Variants in PTPRT observed in about 807,000 individuals in gnomAD.
PTPRT encodes protein tyrosine phosphatase receptor type T.
Under a neutral mutation model 176.8 loss-of-function variants are expected in PTPRT, and 56 were observed. That is an observed-to-expected ratio of 0.32 (90% CI 0.26 to 0.40). The LOEUF is 0.40. PTPRT is among the 10% of genes least tolerant of loss of function. PTPRT has a pLI of 1.00. For synonymous variants in PTPRT, 783 were observed against 739.0 expected, an observed-to-expected ratio of 1.06 and a Z score of -0.96; for missense variants, 1,540 against 1,908.2, an observed-to-expected ratio of 0.81 and a Z score of 3.60.
the PTPRT span, chr20:42,063,444 T>C: frequency 6.6e-6 from 1 of 152,184 alleles, no homozygotes; most frequent in African/African-American, 2.4e-5. Flanking sequence ...CCAAGGCCAC[T>C]CTCAGAGACA....
chr20:43,093,765 C>T (rs559787872), intron 1 of PTPRT, among the ~76,000 whole-genome samples: 7 of 152,312 alleles, frequency 4.6e-5, no homozygotes, highest in Admixed American at 3.9e-4. Flanking sequence ...TGGCCCCTGT[C>T]CCACTCTTCC....
chr20:42,569,158 C>CAGCAT (rs1339143208), intron 7 of PTPRT, among the ~76,000 whole-genome samples: 55 of 133,800 alleles, frequency 4.1e-4, no homozygotes, highest in African/African-American at 1.5e-3. Context: ...GTATTTTACA[C>CAGCAT]AGCATAGCTC....
intron 6 of PTPRT, among the ~76,000 whole-genome samples, chr20:42,709,695 T>G (rs1370018698): frequency 6.6e-6 from 1 of 152,058 alleles, no homozygotes; most frequent in Non-Finnish European, 1.5e-5. Flanking sequence ...GTTGAACTGG[T>G]TTTTGAACTG....
At chr20:42,658,084 GA>G (rs2075159009) in intron 7 of PTPRT, among the ~76,000 whole-genome samples, 1 of 151,998 alleles carries the variant, frequency 6.6e-6, no homozygotes, top group South Asian at 2.1e-4. Context: ...CTTCTTATTG[GA>G]AGTAATGTTC....
intron 1 of PTPRT, among the ~76,000 whole-genome samples, chr20:43,001,832 G>A (rs1370278510): frequency 6.6e-6 from 1 of 151,770 alleles, no homozygotes; most frequent in African/African-American, 2.4e-5. Context: ...CCATGGTCTG[G>A]ATTACACAGT....
intron 16 of PTPRT, among the ~76,000 whole-genome samples, chr20:42,186,350 C>T (rs903838447): frequency 1.2e-4 from 18 of 151,924 alleles, no homozygotes; most frequent in Admixed American, 3.3e-4. Flanking sequence ...TGGATTTGGC[C>T]TATGGGCCTC....
downstream of PTPRT, among the ~76,000 whole-genome samples, chr20:42,069,426 G>A (rs1982226522): frequency 6.6e-6 from 1 of 152,112 alleles, no homozygotes; most frequent in Admixed American, 6.5e-5. Context: ...CCCTTTTGTG[G>A]GAGATGGGCA....
chr20:42,858,958 T>C (rs550936948), intron 2 of PTPRT, among the ~76,000 whole-genome samples: 102 of 152,284 alleles, frequency 6.7e-4, no homozygotes, highest in South Asian at 2.3e-3. Flanking sequence ...TACTAAATAC[T>C]TACTGAGCCC....
intron 7 of PTPRT, among the ~76,000 whole-genome samples, chr20:42,547,705 AG>A (rs1203305220): frequency 2.0e-5 from 3 of 152,050 alleles, no homozygotes; most frequent in African/African-American, 7.2e-5. Context: ...GAAAACACAA[AG>A]GTCCCTATAT....
chr20:42,909,852 G>A (rs1479809366), intron 1 of PTPRT, among the ~76,000 whole-genome samples: 1 of 152,150 alleles, frequency 6.6e-6, no homozygotes, highest in Non-Finnish European at 1.5e-5. Context: ...CAACAACCGG[G>A]CCAGAAAACA....
chr20:42,526,160 T>C (rs1220116480), intron 7 of PTPRT, among the ~76,000 whole-genome samples: 1 of 152,192 alleles, frequency 6.6e-6, no homozygotes, highest in East Asian at 1.9e-4. Context: ...CAATGTGATA[T>C]TTCCTTCTTT....
At chr20:42,119,736 T>C (rs1010809817) in intron 20 of PTPRT, among the ~76,000 whole-genome samples, 199 bp downstream of exon 20, 7 of 152,210 alleles carry the variant, frequency 4.6e-5, no homozygotes, top group Non-Finnish European at 8.8e-5. Flanking sequence ...CTCAAGGACC[T>C]CTGGAGAGTC....
intron 2 of PTPRT, among the ~76,000 whole-genome samples, chr20:42,849,552 G>A (rs147377240): frequency 6.6e-6 from 1 of 152,278 alleles, no homozygotes; most frequent in East Asian, 1.9e-4. Flanking sequence ...AAAACCCATA[G>A]AGGTTCATTC....
chr20:43,035,646 G>A (rs1986346233), intron 1 of PTPRT, among the ~76,000 whole-genome samples: 1 of 152,186 alleles, frequency 6.6e-6, no homozygotes, highest in Admixed American at 6.5e-5. Flanking sequence ...TCAAAAACCA[G>A]ATGAACAAAG....
At chr20:42,203,626 T>G (rs2055379027) in intron 15 of PTPRT, among the ~76,000 whole-genome samples, 1 of 152,230 alleles carries the variant, frequency 6.6e-6, no homozygotes, top group Non-Finnish European at 1.5e-5. Context: ...TCCTCTTGCT[T>G]GACTCATCCA....
chr20:42,326,773 T>C (rs895053797), intron 11 of PTPRT, among the ~76,000 whole-genome samples: 11 of 152,174 alleles, frequency 7.2e-5, no homozygotes, highest in African/African-American at 2.7e-4. Flanking sequence ...GAAAGCATCA[T>C]ATATTGTAAA....
Position 42,342,612 on chromosome 20 carries a change from G to C in PTPRT, c.1865+8016C>G, listed in dbSNP as rs6030157. ...CCTCACAAACTCCTCAGGCTGCCCT[G>C]TGTCAATAAATCCTCTAAATGTTCG... On this transcript the variant is annotated intron_variant, in intron 11 of 30. Transcript: ENST00000373187. Among the ~76,000 whole-genome samples the C allele has an allele frequency of 3.5e-3, 528 of 152,314 alleles. 6 individuals carry two copies. Among genetic ancestry groups the C allele is most frequent in the African/African-American group, 0.012 (507 of 41,558 alleles).
chr20:43,182,510 C>G (rs1009771722), intron 1 of PTPRT, among the ~76,000 whole-genome samples: 1 of 152,080 alleles, frequency 6.6e-6, no homozygotes, highest in Non-Finnish European at 1.5e-5. Flanking sequence ...CATCCCTCAG[C>G]CACCCAAGTA....
In PTPRT at chr20:42,961,860, T is replaced by C. The variant is rs115988454; in HGVS notation, c.89-75928A>G. Among the ~76,000 whole-genome samples the C allele has an allele frequency of 5.4e-3, 827 of 152,222 alleles. 11 individuals carry two copies. Among genetic ancestry groups the C allele is most frequent in the African/African-American group, 0.019 (790 of 41,514 alleles). On this transcript the variant is annotated intron_variant, in intron 1 of 30. Coordinates refer to ENST00000373187, the MANE Select transcript of PTPRT (RefSeq NM_007050.6). ...AGGCCCAATGTAATCACAAACGTCC[T>C]TATAAGTGAAGGAGCGGGGCGGGAG...
Sources: gnomAD v4.1 joint callset for allele counts (sites outside exome capture counted in the v4.1 genomes callset) on GRCh38, gnomAD v4.1.1 for gene constraint, MANE v1.5 for transcripts, NCBI Gene and HGNC (gene_info 2026-07-23, HGNC 2026-07-21) for gene names.